Variants in BBX observed in about 807,000 individuals in gnomAD.
BBX encodes BBX high mobility group box domain containing.
BBX carries 30 observed loss-of-function variants against 100.2 expected under a neutral mutation model. The observed-to-expected ratio is 0.30, with a 90% CI of 0.22 to 0.41. BBX has a LOEUF of 0.41. Ranked by LOEUF, BBX falls within the 10% of genes least tolerant of loss-of-function variation. BBX has a pLI of 1.00. For synonymous variants in BBX, 376 were observed against 388.1 expected (o/e 0.97, Z 0.37); for missense variants, 1,023 against 1,129.8 (o/e 0.91, Z 1.35).
intron 12 of BBX, among the ~76,000 whole-genome samples, chr3:107,776,754 C>T (rs1463536383): frequency 6.6e-6 from 1 of 152,064 alleles, no homozygotes; most frequent in African/African-American, 2.4e-5. Context: ...CTCAAGAGAC[C>T]TTATGAGTTA....
intron 7 of BBX, among the ~76,000 whole-genome samples, chr3:107,738,928 G>A (rs1050199658): frequency 9.9e-5 from 15 of 152,154 alleles, no homozygotes; most frequent in African/African-American, 3.1e-4. Flanking sequence ...CTCAAAGGTC[G>A]TAGAATGAGG....
rs1307230387 is a variant in BBX at position 107,613,985 on chromosome 3, C to G, written c.-83-31851C>G. On this transcript the variant is annotated intron_variant, in intron 2 of 17. Coordinates refer to ENST00000325805, the MANE Select transcript of BBX (RefSeq NM_001142568.3). ...TTTTTTTTTTTGAGATGGAGTCTCT[C>G]TCTGTCACCAGGCTGGAGTGCAGTG... 5.5e-5 allele frequency among the ~76,000 whole-genome samples: 6 copies of G among 109,700 alleles called. No individual in the cohort carries two copies. In the East Asian group the frequency reaches 1.6e-3, roughly 29 times the overall value. 72.0% of individuals were successfully genotyped at this position (109,700 alleles called of 152,430 possible).
chr3:107,605,277 T>A (rs538812665), intron 2 of BBX, among the ~76,000 whole-genome samples: 1 of 152,154 alleles, frequency 6.6e-6, no homozygotes, highest in Admixed American at 6.5e-5. Flanking sequence ...CATTACTCTT[T>A]GTATCAAACC....
chr3:107,700,429 T>G (rs2060953520), intron 3 of BBX, among the ~76,000 whole-genome samples: 1 of 145,838 alleles, frequency 6.9e-6, no homozygotes, highest in African/African-American at 2.5e-5. Context: ...TTATTATTAT[T>G]ATTATTATTA....
chr3:107,634,368 G>C (rs538104762), intron 2 of BBX, among the ~76,000 whole-genome samples: 2 of 152,234 alleles, frequency 1.3e-5, no homozygotes, highest in Non-Finnish European at 2.9e-5. Context: ...GCTCTATGTA[G>C]AATTAGTACC....
At chr3:107,556,127 C>G (rs762139919) in intron 2 of BBX, among the ~76,000 whole-genome samples, 6 of 152,068 alleles carry the variant, frequency 3.9e-5, no homozygotes, top group Non-Finnish European at 7.4e-5. Context: ...ATCTGCTCAA[C>G]TCTTTTGGTT....
intron 2 of BBX, among the ~76,000 whole-genome samples, chr3:107,634,877 T>C (rs1448124858): frequency 1.3e-5 from 2 of 152,202 alleles, no homozygotes; most frequent in African/African-American, 4.8e-5. Context: ...GTTGTTGCTT[T>C]TAAGTTATAG....
intron 2 of BBX, among the ~76,000 whole-genome samples, chr3:107,554,410 C>T (rs1312663812): frequency 1.3e-5 from 2 of 152,132 alleles, no homozygotes; most frequent in Non-Finnish European, 2.9e-5. Flanking sequence ...ACTTTTGAAA[C>T]ACAATATAGA....
Position 107,644,736 on chromosome 3 carries a change from A to G in BBX, c.-83-1100A>G, listed in dbSNP as rs374304655. Among the ~76,000 whole-genome samples the G allele has an allele frequency of 3.2e-4, 48 of 152,302 alleles. 1 individual carries two copies. The highest frequency in any genetic ancestry group is 2.5e-3 in the East Asian group (13 of 5,190). On this transcript the variant is annotated intron_variant, in intron 2 of 17. Coordinates refer to ENST00000325805, the MANE Select transcript of BBX (RefSeq NM_001142568.3). Reference sequence around the variant, plus strand: ...TATCTATGCCCTTGTTTTAAAAAATATGGATGAATGAGTAGTATCTTGCCT... The same window carrying G: ...TATCTATGCCCTTGTTTTAAAAAATGTGGATGAATGAGTAGTATCTTGCCT...
At chr3:107,686,401 T>G (rs1239679694) in intron 3 of BBX, among the ~76,000 whole-genome samples, 2 of 152,032 alleles carry the variant, frequency 1.3e-5, no homozygotes, top group Non-Finnish European at 2.9e-5. Flanking sequence ...TAAGAAGAGC[T>G]GTCTGTGTTT....
At chr3:107,610,539 A>G (rs1193113184) in intron 2 of BBX, among the ~76,000 whole-genome samples, 1 of 152,074 alleles carries the variant, frequency 6.6e-6, no homozygotes, top group African/African-American at 2.4e-5. Flanking sequence ...TTGGGTGCAT[A>G]TGTATTTACA....
intron 2 of BBX, chr3:107,599,611 G>A (rs770140579): frequency 1.3e-5 from 2 of 152,204 alleles, no homozygotes; most frequent in Non-Finnish European, 2.9e-5. Context: ...AAAATGGAAA[G>A]GTGTTGGCTG....
At chr3:107,700,280 T>C (rs972758505) in intron 3 of BBX, among the ~76,000 whole-genome samples, 1 of 151,750 alleles carries the variant, frequency 6.6e-6, no homozygotes, top group Non-Finnish European at 1.5e-5. Context: ...ACCTTGAATC[T>C]CTACCTTTGA....
intron 3 of BBX, among the ~76,000 whole-genome samples, chr3:107,678,044 T>C (rs1050471320): frequency 6.6e-6 from 1 of 152,202 alleles, no homozygotes; most frequent in Non-Finnish European, 1.5e-5. Flanking sequence ...CAGGCTTTTT[T>C]GGTTTATGTG....
At chr3:107,612,325 G>T (rs1216856362) in intron 2 of BBX, among the ~76,000 whole-genome samples, 1 of 152,082 alleles carries the variant, frequency 6.6e-6, no homozygotes, top group Non-Finnish European at 1.5e-5. Context: ...GAAAAGTTGG[G>T]TATTTACTGT....
intron 2 of BBX, among the ~76,000 whole-genome samples, chr3:107,568,567 C>A (rs914834487): frequency 2.6e-5 from 4 of 152,092 alleles, no homozygotes; most frequent in African/African-American, 9.7e-5. Context: ...CCATTTTCTG[C>A]TCTTTTCTTA....
At chr3:107,714,811 G>T (rs1024676878) in intron 4 of BBX, among the ~76,000 whole-genome samples, 1 of 151,538 alleles carries the variant, frequency 6.6e-6, no homozygotes, top group Non-Finnish European at 1.5e-5. Context: ...TTTTGAGACG[G>T]AGTCTTGCTC....
intron 2 of BBX, among the ~76,000 whole-genome samples, chr3:107,543,469 G>C (rs557176620): frequency 6.6e-6 from 1 of 152,310 alleles, no homozygotes; most frequent in South Asian, 2.1e-4. Flanking sequence ...TGTATTGTTA[G>C]AATGAAACTA....
At chr3:107,781,857 A>G (rs1202196012) in intron 13 of BBX, among the ~76,000 whole-genome samples, 1 of 152,138 alleles carries the variant, frequency 6.6e-6, no homozygotes, top group East Asian at 1.9e-4. Flanking sequence ...AAAATCAAAA[A>G]TGGTTAAGGC....
Sources: gnomAD v4.1 joint callset for allele counts (sites outside exome capture counted in the v4.1 genomes callset) on GRCh38, gnomAD v4.1.1 for gene constraint, MANE v1.5 for transcripts, NCBI Gene and HGNC (gene_info 2026-07-23, HGNC 2026-07-21) for gene names.